CNTNAP2: variants seen among roughly 807,000 people sequenced by gnomAD.
CNTNAP2 encodes the protein contactin associated protein 2, also known as contactin-associated protein-like 2.
A neutral mutation model predicts 155.2 loss-of-function variants in CNTNAP2; 98 were observed. The observed-to-expected ratio is 0.63, with a 90% CI of 0.54 to 0.75. The LOEUF is 0.75. CNTNAP2 is among the 30% of genes least tolerant of loss of function. The pLI is 0.00. For synonymous variants in CNTNAP2, 651 were observed against 631.2 expected (o/e 1.03, Z -0.47); for missense variants, 1,727 against 1,688.1 (o/e 1.02, Z -0.40).
intron 8 of CNTNAP2, among the ~76,000 whole-genome samples, chr7:147,249,862 CTTCT>C (rs1804155193): frequency 1.3e-5 from 2 of 152,096 alleles, no homozygotes; most frequent in Admixed American, 1.3e-4. Flanking sequence ...TCCCTCTGCC[CTTCT>C]TTCTTTTTCT....
At chr7:147,077,207 C>T (rs1359821477) in intron 4 of CNTNAP2, among the ~76,000 whole-genome samples, 1 of 151,904 alleles carries the variant, frequency 6.6e-6, no homozygotes, top group East Asian at 1.9e-4. Context: ...CTTTTTTTTA[C>T]TAAAACAAAT....
chr7:147,169,263 G>C (rs1288347008), intron 8 of CNTNAP2, among the ~76,000 whole-genome samples: 2 of 152,094 alleles, frequency 1.3e-5, no homozygotes, highest in Non-Finnish European at 2.9e-5. Context: ...CTAGCTTCAA[G>C]TTAAAAAAAT....
chr7:147,511,215 T>C lies in CNTNAP2; in HGVS notation c.1777+25174T>C, dbSNP rs564642903. On this transcript the variant is annotated intron_variant, in intron 11 of 23. Transcript: ENST00000361727. The stretch of plus-strand genomic sequence containing the variant: ...TTCGCCCCTCTGGCTACCTTTATTA[T>C]GTCAGTGACAAAAGGTGATACATTT... 2.0e-5 allele frequency among the ~76,000 whole-genome samples: 3 copies of C among 152,186 alleles called. No homozygotes were observed. In the South Asian group the frequency reaches 6.2e-4, roughly 32 times the overall value.
chr7:148,361,001 G>A (rs961232024), intron 21 of CNTNAP2, among the ~76,000 whole-genome samples: 7 of 151,870 alleles, frequency 4.6e-5, no homozygotes, highest in Admixed American at 1.3e-4. Context: ...TAGAGACGGG[G>A]TTTCACCATG....
intron 1 of CNTNAP2, among the ~76,000 whole-genome samples, chr7:146,323,496 A>C (rs1210366367): frequency 6.6e-6 from 1 of 152,186 alleles, no homozygotes; most frequent in Non-Finnish European, 1.5e-5. Context: ...GCATGAAATG[A>C]CAAAATCAAA....
chr7:148,198,103 G>A (rs1292563230), intron 18 of CNTNAP2, among the ~76,000 whole-genome samples: 1 of 152,190 alleles, frequency 6.6e-6, no homozygotes, highest in Non-Finnish European at 1.5e-5. Flanking sequence ...ATGTCAGGCA[G>A]GCTGAGAAGC....
chr7:147,601,294 A>AAG (rs1470367298), intron 12 of CNTNAP2, among the ~76,000 whole-genome samples: 48 of 152,160 alleles, frequency 3.2e-4, no homozygotes, highest in Non-Finnish European at 5.4e-4. Flanking sequence ...TGAGTCTGAA[A>AAG]AGAGCCAGCA....
chr7:147,212,244 A>G (rs1003049943), intron 8 of CNTNAP2, among the ~76,000 whole-genome samples: 4 of 152,166 alleles, frequency 2.6e-5, no homozygotes, highest in African/African-American at 7.2e-5. Flanking sequence ...ATTACTGGAT[A>G]TATATCCAAA....
chr7:147,389,075 T>C (rs1796668030), intron 9 of CNTNAP2, among the ~76,000 whole-genome samples: 1 of 152,194 alleles, frequency 6.6e-6, no homozygotes, highest in African/African-American at 2.4e-5. Flanking sequence ...TCTATCTTCC[T>C]GCCTGCTGGG....
intron 18 of CNTNAP2, among the ~76,000 whole-genome samples, chr7:148,192,285 C>T (rs968962212): frequency 2.0e-5 from 3 of 152,146 alleles, no homozygotes; most frequent in Admixed American, 1.3e-4. Context: ...TCTCCACACT[C>T]TATGTCCATG....
chr7:146,603,768 A>G (rs2129152397), intron 1 of CNTNAP2, among the ~76,000 whole-genome samples: 1 of 151,020 alleles, frequency 6.6e-6, no homozygotes, highest in South Asian at 2.1e-4. Flanking sequence ...AAATAATGCC[A>G]CATAACTACA....
intron 13 of CNTNAP2, among the ~76,000 whole-genome samples, chr7:147,794,442 G>T (rs1403362826): frequency 6.6e-6 from 1 of 151,812 alleles, no homozygotes; most frequent in Non-Finnish European, 1.5e-5. Context: ...CATGAATATG[G>T]TATATTAGAG....
intron 1 of CNTNAP2, among the ~76,000 whole-genome samples, chr7:146,167,948 G>A (rs1798336908): frequency 6.6e-6 from 1 of 152,186 alleles, no homozygotes; most frequent in Non-Finnish European, 1.5e-5. Flanking sequence ...CAAACCACTG[G>A]TGTTTCAGTC....
chr7:146,609,742 A>G (rs540388426), intron 1 of CNTNAP2, among the ~76,000 whole-genome samples: 2 of 152,352 alleles, frequency 1.3e-5, no homozygotes, highest in Admixed American at 1.3e-4. Context: ...ATAATACAAA[A>G]TGCACTTTGC....
intron 3 of CNTNAP2, among the ~76,000 whole-genome samples, chr7:146,891,533 TTACAGGCA>T (rs1415037412): frequency 6.6e-6 from 1 of 152,176 alleles, no homozygotes; most frequent in Non-Finnish European, 1.5e-5. Context: ...TACACAGAAA[TTACAGGCA>T]TACATGAAAT....
intron 14 of CNTNAP2, among the ~76,000 whole-genome samples, chr7:147,913,022 G>A (rs904294573): frequency 6.6e-6 from 1 of 152,180 alleles, no homozygotes; most frequent in Non-Finnish European, 1.5e-5. Context: ...TGCAATGTGT[G>A]CAGTGACAAT....
At chr7:148,282,689 G>T (rs774565893) in intron 21 of CNTNAP2, among the ~76,000 whole-genome samples, 1 of 151,990 alleles carries the variant, frequency 6.6e-6, no homozygotes, top group Non-Finnish European at 1.5e-5. Flanking sequence ...AAACCAATTG[G>T]TATCATCATC....
chr7:147,028,879 T>C (rs1798972247), intron 3 of CNTNAP2, among the ~76,000 whole-genome samples: 2 of 148,734 alleles, frequency 1.3e-5, no homozygotes, highest in Non-Finnish European at 3.0e-5. Context: ...TAATAATCCA[T>C]AGAAGAAGAA....
chr7:146,319,624 G>A (rs1216485027), intron 1 of CNTNAP2, among the ~76,000 whole-genome samples: 1 of 152,178 alleles, frequency 6.6e-6, no homozygotes. Context: ...CAGGCTTGAC[G>A]TATGGATGCA....
Sources: allele counts gnomAD v4.1 joint callset (sites outside exome capture counted in the v4.1 genomes callset), GRCh38; gene constraint gnomAD v4.1.1; transcripts MANE v1.5; gene names NCBI Gene and HGNC (gene_info 2026-07-23, HGNC 2026-07-21).